The following NSMCE2 variants were observed in gnomAD, a reference collection of about 807,000 sequenced individuals.
NSMCE2 encodes the protein E3 SUMO-protein ligase NSE2.
A neutral mutation model predicts 23.8 loss-of-function variants in NSMCE2; 24 were observed. That is an observed-to-expected ratio of 1.01 (90% CI 0.73 to 1.42). The LOEUF is 1.42. Ranked by LOEUF, NSMCE2 falls within the 40% of genes most tolerant of loss-of-function variation. The probability of loss-of-function intolerance (pLI) is 0.00; values close to 1 mark genes in which losing one functional copy is unlikely to be tolerated. For missense variants in NSMCE2, 284 were observed against 296.5 expected (o/e 0.96, Z 0.31); for synonymous variants, 92 against 94.1 (o/e 0.98, Z 0.13).
At chr8:125,092,910 G>A (rs1010897524) in intron 1 of NSMCE2, among the ~76,000 whole-genome samples, 2 of 152,140 alleles carry the variant, frequency 1.3e-5, no homozygotes, top group Admixed American at 6.5e-5. Context: ...TCAGGGTGAG[G>A]GCTGTCCTGT....
At position 125,151,229 on chromosome 8, in the gene NSMCE2, T is replaced by A. The variant is rs749740736; in HGVS notation, c.216T>A (p.Asp72Glu). The change falls in exon 4 of 8, where the codon GAT (aspartate) becomes GAA (glutamate). Residue 72 changes from aspartate to glutamate, a missense_variant. Physicochemically the swap from Asp to Glu is conservative, Grantham distance 45 (BLOSUM62 2). Transcript: ENST00000287437. The part of the protein sequence containing the change: ...DKAMVEFATL[D>E]RQLNHYVKAV... Reference sequence around the variant, plus strand: ...CAATGGTTGAATTTGCTACATTGGATCGGCAACTAAACCATTATGTAAAGG... The same window carrying A: ...CAATGGTTGAATTTGCTACATTGGAACGGCAACTAAACCATTATGTAAAGG... The A allele has an allele frequency of 2.5e-6, 4 of 1,609,514 alleles. No individual in the cohort carries two copies. In the East Asian group the frequency reaches 6.7e-5, roughly 27 times the overall value.
rs1830266276 is a variant in NSMCE2 at position 125,341,902 on chromosome 8, A to G, written c.419-15317A>G. The stretch of plus-strand genomic sequence containing the variant: ...GCACTGAGGATCTAGAAATGGAAAA[A>G]AAAAAAAAAAAAAAAAAAAACCTGT... On this transcript the variant is annotated intron_variant, in intron 5 of 7. Transcript: ENST00000287437. 2.1e-5 allele frequency among the ~76,000 whole-genome samples: 3 copies of G among 142,554 alleles called. No individual in the cohort carries two copies. The South Asian group carries it at 6.6e-4, about 31-fold the overall frequency. The allele number at this position is 142,554 out of a possible 152,430, so 93.5% of individuals were successfully genotyped here. A position where few individuals can be genotyped will look rare whatever the true frequency, so the allele number is the denominator to read the frequency against.
At position 125,357,584 on chromosome 8, in the gene NSMCE2, A is replaced by G. The variant is rs1563804146; in HGVS notation, c.520-128A>G. Reference sequence around the variant, plus strand: ...CTGGATTCCCTGCATTTCCTTATCTAAAGCCTAGTAATTATGTAAAGCCAT... The same window carrying G: ...CTGGATTCCCTGCATTTCCTTATCTGAAGCCTAGTAATTATGTAAAGCCAT... On this transcript the variant is annotated intron_variant, in intron 6 of 7. Transcript: ENST00000287437. The G allele has an allele frequency of 8.3e-6, 6 of 725,484 alleles. No individual in the cohort carries two copies. The East Asian group carries it at 1.5e-4, about 19-fold the overall frequency. The allele number at this position is 725,484 out of a possible 1,614,324, so 44.9% of individuals were successfully genotyped here.
chr8:125,096,634 C>CTT (rs34656029), intron 1 of NSMCE2, among the ~76,000 whole-genome samples: 6,498 of 80,422 alleles, frequency 0.081, 698 homozygotes, highest in African/African-American at 0.17. Flanking sequence ...GTGTGGAATC[C>CTT]TTTTTTTTTT....
At chr8:125,341,897 G>GAAAAAAAAAA (rs61204647) in intron 5 of NSMCE2, among the ~76,000 whole-genome samples, 2 of 83,238 alleles carry the variant, frequency 2.4e-5, no homozygotes, top group African/African-American at 8.7e-5. Context: ...TCTAGAAATG[G>GAAAAAAAAAA]AAAAAAAAAA....
At chr8:125,164,829 A>G (rs1488116059) in intron 4 of NSMCE2, among the ~76,000 whole-genome samples, 1 of 152,186 alleles carries the variant, frequency 6.6e-6, no homozygotes, top group East Asian at 1.9e-4. Context: ...TTACCATAAT[A>G]ATAGCAAGCC....
At chr8:125,331,225 G>A (rs1381330229) in intron 5 of NSMCE2, among the ~76,000 whole-genome samples, 3 of 152,170 alleles carry the variant, frequency 2.0e-5, no homozygotes, top group East Asian at 1.9e-4. Context: ...GCGTGAACCC[G>A]GGAGGCGGAG....
At chr8:125,110,937 T>A (rs1182838774) in intron 3 of NSMCE2, among the ~76,000 whole-genome samples, 1 of 152,036 alleles carries the variant, frequency 6.6e-6, no homozygotes, top group Non-Finnish European at 1.5e-5. Flanking sequence ...ACTGTCTACT[T>A]TCAGTTCTTG....
At chr8:125,271,674 A>G (rs547219895) in intron 5 of NSMCE2, among the ~76,000 whole-genome samples, 60 of 152,304 alleles carry the variant, frequency 3.9e-4, no homozygotes, top group African/African-American at 1.4e-3. Flanking sequence ...GGTATGAATC[A>G]GGTTTCATAG....
chr8:125,266,758 G>C (rs931299867), intron 5 of NSMCE2, among the ~76,000 whole-genome samples: 1 of 152,138 alleles, frequency 6.6e-6, no homozygotes, highest in African/African-American at 2.4e-5. Flanking sequence ...GAAGATAAAA[G>C]AGCAATAATA....
chr8:125,158,057 G>A (rs1384331070), intron 4 of NSMCE2, among the ~76,000 whole-genome samples: 1 of 152,176 alleles, frequency 6.6e-6, no homozygotes, highest in Non-Finnish European at 1.5e-5. Flanking sequence ...ACATCTCTCT[G>A]GAGGAGGGAC....
chr8:125,140,010 A>T (rs1318848854), intron 3 of NSMCE2, among the ~76,000 whole-genome samples: 1 of 152,292 alleles, frequency 6.6e-6, no homozygotes, highest in African/African-American at 2.4e-5. Context: ...TTTAAAAGGG[A>T]TGCCTTACAC....
chr8:125,285,187 T>A (rs182888916), intron 5 of NSMCE2, among the ~76,000 whole-genome samples: 3 of 152,342 alleles, frequency 2.0e-5, no homozygotes. Flanking sequence ...CCTTAAGCAG[T>A]CTTTGTTAGC....
chr8:125,111,812 A>T (rs1309317050), intron 3 of NSMCE2, among the ~76,000 whole-genome samples: 1 of 152,192 alleles, frequency 6.6e-6, no homozygotes, highest in Admixed American at 6.5e-5. Context: ...AGAAAAAAAA[A>T]TGGTTTGAAA....
intron 5 of NSMCE2, among the ~76,000 whole-genome samples, chr8:125,268,756 T>TCC (rs1398351562): frequency 6.6e-6 from 1 of 152,094 alleles, no homozygotes; most frequent in Non-Finnish European, 1.5e-5. Context: ...AGGTGTAAGA[T>TCC]CCCATAGCAG....
chr8:125,320,303 AGGAAGGGAAG>A (rs112332324), intron 5 of NSMCE2, among the ~76,000 whole-genome samples: 10,426 of 116,542 alleles, frequency 0.089, 655 homozygotes, highest in Middle Eastern at 0.13. Context: ...GAAGGAAGGA[AGGAAGGGAAG>A]GGAAGGAAGG....
chr8:125,328,056 G>A (rs969303794), intron 5 of NSMCE2, among the ~76,000 whole-genome samples: 23 of 151,778 alleles, frequency 1.5e-4, no homozygotes, highest in Non-Finnish European at 2.9e-5. Context: ...GTTTGCTTTA[G>A]TGAGACTAAC....
chr8:125,286,316 T>TTA (rs1554632079), intron 5 of NSMCE2, among the ~76,000 whole-genome samples: 1 of 38,272 alleles, frequency 2.6e-5, no homozygotes, highest in African/African-American at 4.6e-5. Flanking sequence ...CTTTTATTTA[T>TTA]TTTTTTTTTT....
intron 5 of NSMCE2, among the ~76,000 whole-genome samples, chr8:125,266,735 G>A (rs898770226): frequency 6.6e-6 from 1 of 152,098 alleles, no homozygotes; most frequent in African/African-American, 2.4e-5. Context: ...CTAGGAGTTT[G>A]GGATTAGAAA....
Sources: allele counts gnomAD v4.1 joint callset (sites outside exome capture counted in the v4.1 genomes callset), GRCh38; gene constraint gnomAD v4.1.1; transcripts MANE v1.5; gene names NCBI Gene and HGNC (gene_info 2026-07-23, HGNC 2026-07-21).